EXOC4: variants seen among roughly 807,000 people sequenced by gnomAD.
The protein encoded by EXOC4 is SEC8-like 1.
In EXOC4, 71 loss-of-function variants were observed where a neutral mutation model predicts 107.2. That is an observed-to-expected ratio of 0.66 (90% CI 0.55 to 0.81). EXOC4 has a LOEUF of 0.81. Ranked by LOEUF, EXOC4 falls within the 30% of genes least tolerant of loss-of-function variation. The pLI, the probability that EXOC4 is intolerant of heterozygous loss-of-function variation, is 0.00. For missense variants in EXOC4, 1,108 were observed against 1,189.6 expected, an observed-to-expected ratio of 0.93 and a Z score of 1.01; for synonymous variants, 456 against 441.2, an observed-to-expected ratio of 1.03 and a Z score of -0.42.
intron 9 of EXOC4, among the ~76,000 whole-genome samples, chr7:133,504,776 A>G (rs918885): frequency 0.064 from 9,810 of 152,112 alleles, 1,101 homozygotes; most frequent in African/African-American, 0.22. Flanking sequence ...TAACTGTGTT[A>G]TTATTGAGTC....
At chr7:133,267,156 A>G (rs1793749305) in intron 1 of EXOC4, among the ~76,000 whole-genome samples, 1 of 152,256 alleles carries the variant, frequency 6.6e-6, no homozygotes, top group South Asian at 2.1e-4. Flanking sequence ...GGATATAATT[A>G]AAATGAAACT....
intron 9 of EXOC4, among the ~76,000 whole-genome samples, chr7:133,611,314 C>T (rs760014068): frequency 6.6e-6 from 1 of 152,022 alleles, no homozygotes; most frequent in Non-Finnish European, 1.5e-5. Flanking sequence ...GAATAGGAGA[C>T]ATTTCAGATA....
At chr7:133,530,407 A>G (rs111811676) in intron 9 of EXOC4, among the ~76,000 whole-genome samples, 1 of 152,180 alleles carries the variant, frequency 6.6e-6, no homozygotes, top group African/African-American at 2.4e-5. Context: ...CACCTAGGCT[A>G]CATGGTTTGG....
At chr7:133,576,763 T>A (rs1563113753) in intron 9 of EXOC4, 1 of 1,289,560 alleles carries the variant, frequency 7.8e-7, no homozygotes, top group South Asian at 1.2e-5. Flanking sequence ...ATTGGAGAGG[T>A]AACTGTGAGG....
chr7:133,913,860 A>G (rs1036881374), intron 12 of EXOC4, among the ~76,000 whole-genome samples: 3 of 152,244 alleles, frequency 2.0e-5, no homozygotes, highest in African/African-American at 7.2e-5. Context: ...GCAATGCAGA[A>G]TTCTGTGGAA....
At chr7:134,079,764 A>C in the EXOC4 span, among the ~76,000 whole-genome samples, 1 of 152,236 alleles carries the variant, frequency 6.6e-6, no homozygotes, top group Non-Finnish European at 1.5e-5. Context: ...AGTTGTGGGC[A>C]TGAGTTTGCA....
At chr7:134,086,575 A>G in the EXOC4 span, among the ~76,000 whole-genome samples, 1 of 152,202 alleles carries the variant, frequency 6.6e-6, no homozygotes, top group Non-Finnish European at 1.5e-5. Flanking sequence ...TCACAGGGAA[A>G]GGCCTCAGTT....
At chr7:133,393,211 A>T (rs563866621) in intron 7 of EXOC4, among the ~76,000 whole-genome samples, 7 of 152,222 alleles carry the variant, frequency 4.6e-5, no homozygotes, top group African/African-American at 1.7e-4. Context: ...CTCATTTGAC[A>T]TATCTAATAG....
intron 7 of EXOC4, among the ~76,000 whole-genome samples, chr7:133,425,910 C>G (rs1397248656): frequency 6.6e-6 from 1 of 152,150 alleles, no homozygotes; most frequent in African/African-American, 2.4e-5. Flanking sequence ...TTTGAGGTGT[C>G]CCACCTTTCT....
chr7:133,269,699 A>G (rs914507220), intron 1 of EXOC4, among the ~76,000 whole-genome samples: 3 of 152,210 alleles, frequency 2.0e-5, no homozygotes, highest in African/African-American at 7.2e-5. Flanking sequence ...TTTGGACTAT[A>G]TTTTTAAAAA....
chr7:133,420,460 G>A (rs1029483203), intron 7 of EXOC4, among the ~76,000 whole-genome samples: 7 of 152,124 alleles, frequency 4.6e-5, no homozygotes, highest in African/African-American at 1.7e-4. Flanking sequence ...CTTCTTCAAA[G>A]CCAGCAGTGG....
Position 133,919,791 on chromosome 7 carries a change from A to G in EXOC4, c.2027+2053A>G, listed in dbSNP as rs571519142. Among the ~76,000 whole-genome samples the G allele has an allele frequency of 6.6e-5, 10 of 152,254 alleles. 1 individual carries two copies. In the South Asian group the frequency reaches 2.1e-3, roughly 32 times the overall value. ...ACCACTCTATTCACTCATCTATTGA[A>G]GGATATCTTAGTTGCTTTCAAGTTT... On this transcript the variant is annotated intron_variant, in intron 13 of 17. Transcript: ENST00000253861.
intron 7 of EXOC4, among the ~76,000 whole-genome samples, chr7:133,442,967 C>G (rs1240713197): frequency 6.6e-6 from 1 of 152,122 alleles, no homozygotes; most frequent in East Asian, 1.9e-4. Context: ...AGGGTGAACA[C>G]CATTGATTAC....
chr7:133,842,232 G>A (rs1230721848), intron 11 of EXOC4, among the ~76,000 whole-genome samples: 1 of 152,214 alleles, frequency 6.6e-6, no homozygotes, highest in African/African-American at 2.4e-5. Flanking sequence ...TCCTCAAACT[G>A]TTTTCCATAA....
chr7:133,714,228 C>T (rs1794954132), intron 10 of EXOC4, among the ~76,000 whole-genome samples: 1 of 152,200 alleles, frequency 6.6e-6, no homozygotes, highest in South Asian at 2.1e-4. Context: ...TGACAGACAG[C>T]TGGAGCCACA....
chr7:133,805,360 C>T (rs562369851), intron 10 of EXOC4, among the ~76,000 whole-genome samples: 1 of 152,070 alleles, frequency 6.6e-6, no homozygotes, highest in East Asian at 1.9e-4. Context: ...AAGGCATGAA[C>T]TTAAAAAAAT....
intron 10 of EXOC4, among the ~76,000 whole-genome samples, chr7:133,757,873 T>G (rs187603519): frequency 2.0e-4 from 30 of 152,336 alleles, no homozygotes; most frequent in Non-Finnish European, 5.9e-5. Context: ...GAGACTATCT[T>G]AAAATTTTTA....
chr7:133,463,800 AG>A (rs915070334), intron 7 of EXOC4, among the ~76,000 whole-genome samples: 1 of 152,182 alleles, frequency 6.6e-6, no homozygotes, highest in African/African-American at 2.4e-5. Flanking sequence ...AAGGGGAAGA[AG>A]GAAGAAGGAG....
chr7:133,994,403 G>A (rs972266935), intron 14 of EXOC4, among the ~76,000 whole-genome samples: 8 of 152,182 alleles, frequency 5.3e-5, no homozygotes, highest in East Asian at 1.9e-4. Context: ...TAATGCGTGC[G>A]AGGCTTAAAA....
Sources: allele counts gnomAD v4.1 joint callset (sites outside exome capture counted in the v4.1 genomes callset), GRCh38; gene constraint gnomAD v4.1.1; transcripts MANE v1.5; gene names NCBI Gene and HGNC (gene_info 2026-07-23, HGNC 2026-07-21).